Variants in ARID1B observed in about 807,000 individuals in gnomAD.
The protein encoded by ARID1B is AT-rich interactive domain-containing protein 1B.
In ARID1B, 30 loss-of-function variants were observed where a neutral mutation model predicts 212.3. The observed-to-expected ratio is 0.14, with a 90% CI of 0.11 to 0.19. The LOEUF is 0.19. ARID1B is among the 10% of genes least tolerant of loss of function. The probability of loss-of-function intolerance (pLI) is 1.00; values close to 1 mark genes in which losing one functional copy is unlikely to be tolerated. For synonymous variants in ARID1B, 1,402 were observed against 1,301.7 expected, an observed-to-expected ratio of 1.08 and a Z score of -1.66; for missense variants, 2,891 against 3,204.0, an observed-to-expected ratio of 0.90 and a Z score of 2.36.
intron 6 of ARID1B, among the ~76,000 whole-genome samples, chr6:157,122,562 A>G (rs1350939671): frequency 6.6e-6 from 1 of 152,254 alleles, no homozygotes; most frequent in Non-Finnish European, 1.5e-5. Context: ...TGTGGTGGAA[A>G]CGCGCTTGCC....
intron 4 of ARID1B, among the ~76,000 whole-genome samples, chr6:157,068,369 G>C (rs1783810618): frequency 6.6e-6 from 1 of 152,186 alleles, no homozygotes; most frequent in Non-Finnish European, 1.5e-5. Flanking sequence ...GTCTTCAGCT[G>C]AATCTGATGA....
intron 2 of ARID1B, among the ~76,000 whole-genome samples, chr6:156,896,021 GT>G (rs1788356354): frequency 6.6e-6 from 1 of 152,124 alleles, no homozygotes; most frequent in Non-Finnish European, 1.5e-5. Flanking sequence ...GTAGTTTTTA[GT>G]TTTGTACCAT....
intron 13 of ARID1B, among the ~76,000 whole-genome samples, chr6:157,187,608 A>G (rs1793060463): frequency 6.6e-6 from 1 of 152,178 alleles, no homozygotes; most frequent in African/African-American, 2.4e-5. Context: ...GTGTGAATGT[A>G]CTTAACCTTC....
intron 4 of ARID1B, among the ~76,000 whole-genome samples, chr6:157,000,668 C>G (rs1778854012): frequency 6.8e-6 from 1 of 147,994 alleles, no homozygotes; most frequent in East Asian, 2.0e-4. Context: ...GGATTTACAC[C>G]CTTTCTAAAC....
At chr6:157,034,264 T>G (rs1013616608) in intron 4 of ARID1B, among the ~76,000 whole-genome samples, 5 of 152,222 alleles carry the variant, frequency 3.3e-5, no homozygotes, top group Admixed American at 6.5e-5. Context: ...AACATTGCAT[T>G]TAATAAATAT....
chr6:156,918,117 A>G (rs920647230), intron 3 of ARID1B, among the ~76,000 whole-genome samples: 5 of 152,226 alleles, frequency 3.3e-5, no homozygotes, highest in African/African-American at 1.2e-4. Context: ...TACTTTTTTT[A>G]AAGCTAAAAA....
chr6:156,956,873 A>C (rs116356516), intron 4 of ARID1B, among the ~76,000 whole-genome samples: 1,978 of 152,260 alleles, frequency 0.013, 50 homozygotes, highest in African/African-American at 0.045. Flanking sequence ...CGTTTTAGTT[A>C]AATTTAAACA....
chr6:157,098,452 T>C (rs74749003), intron 5 of ARID1B, among the ~76,000 whole-genome samples: 8,319 of 152,236 alleles, frequency 0.055, 337 homozygotes, highest in Non-Finnish European at 0.085. Context: ...ACCTTGGAAT[T>C]GTATGCCTGA....
intron 4 of ARID1B, among the ~76,000 whole-genome samples, chr6:157,015,287 C>T (rs1273714260): frequency 6.6e-6 from 1 of 152,168 alleles, no homozygotes; most frequent in Admixed American, 6.5e-5. Context: ...AATAGTTTGT[C>T]AATAACTGAC....
At position 156,955,732 on chromosome 6, in the gene ARID1B, A is replaced by T. The variant is rs1793916310; in HGVS notation, c.2247+20156A>T. Reference sequence around the variant, plus strand: ...AGGAGAACCTATGCCCATCTCCAGAAGGGCCCTAGAAACAGAGCCTGGATG... The same window carrying T: ...AGGAGAACCTATGCCCATCTCCAGATGGGCCCTAGAAACAGAGCCTGGATG... On this transcript the variant is annotated intron_variant, in intron 4 of 19. Coordinates refer to ENST00000636930, the MANE Select transcript of ARID1B (RefSeq NM_001374828.1). This position sits in a 1 kb window ranked among gnomAD's most constrained non-coding sequence, Gnocchi z 4.2. Among the ~76,000 whole-genome samples, 1 of 152,172 alleles carries T rather than the reference A, an allele frequency of 6.6e-6. No homozygotes were observed. Among genetic ancestry groups the T allele is most frequent in the Admixed American group, 6.5e-5 (1 of 15,286 alleles).
chr6:157,170,988 A>G (rs1190139631), intron 9 of ARID1B, among the ~76,000 whole-genome samples: 4 of 152,352 alleles, frequency 2.6e-5, no homozygotes, highest in Admixed American at 2.6e-4. Context: ...ATTACCATGA[A>G]ATGAAAAGAA....
chr6:157,041,167 A>G (rs1313191456), intron 4 of ARID1B, among the ~76,000 whole-genome samples: 3 of 152,220 alleles, frequency 2.0e-5, no homozygotes, highest in Non-Finnish European at 2.9e-5. Context: ...ATAGAAAAAT[A>G]AATCAGAAGT....
chr6:157,035,998 A>G (rs764331592), intron 4 of ARID1B, among the ~76,000 whole-genome samples: 7 of 152,128 alleles, frequency 4.6e-5, no homozygotes, highest in African/African-American at 7.2e-5. Flanking sequence ...CCTAGTTTTA[A>G]AAGGTTTAAA....
chr6:157,117,529 G>A (rs562839931), intron 6 of ARID1B, among the ~76,000 whole-genome samples: 2 of 152,268 alleles, frequency 1.3e-5, no homozygotes, highest in East Asian at 3.9e-4. Context: ...AATGAATTCA[G>A]TGTCTTCCTA....
intron 1 of ARID1B, among the ~76,000 whole-genome samples, chr6:156,808,294 G>C (rs1446356447): frequency 1.3e-5 from 2 of 152,120 alleles, no homozygotes; most frequent in African/African-American, 4.8e-5. Context: ...AACATGTAGT[G>C]GTATAATGTA....
Position 157,207,860 on chromosome 6 carries a change from G to A in ARID1B, c.7088G>A (p.Cys2363Tyr), listed in dbSNP as rs1794586519. Residue 2363 changes from cysteine to tyrosine, a missense_variant, in exon 20 of 20, where the codon TGT becomes TAT. Cys to Tyr is a radical substitution (Grantham distance 194). Coordinates refer to ENST00000636930, the MANE Select transcript of ARID1B (RefSeq NM_001374828.1). The surrounding 1 kb of genome is among the most constrained non-coding windows in gnomAD (Gnocchi z 8.5). ...VLNSLVASVI[C>Y]DVLFQIGQL ...AACTCTCTGGTTGCATCTGTCATCT[G>A]TGATGTACTGTTTCAGATTGGGCAG... 6.6e-7 allele frequency: 1 copy of A among 1,508,214 alleles called. No homozygotes were observed. Among genetic ancestry groups the A allele is most frequent in the Admixed American group, 2.2e-5 (1 of 44,620 alleles). The allele number at this position is 1,508,214 out of a possible 1,614,324, so 93.4% of individuals were successfully genotyped here.
intron 4 of ARID1B, among the ~76,000 whole-genome samples, chr6:156,975,678 T>A (rs1031436987): frequency 1.3e-5 from 2 of 151,600 alleles, no homozygotes; most frequent in Non-Finnish European, 2.9e-5. Context: ...TTCATTGTTT[T>A]GGCAAGAAGT....
At chr6:156,971,105 T>C (rs1458800905) in intron 4 of ARID1B, among the ~76,000 whole-genome samples, 1 of 152,176 alleles carries the variant, frequency 6.6e-6, no homozygotes, top group Non-Finnish European at 1.5e-5. Context: ...TTAAGAGTAA[T>C]TACCAGGGAA....
intron 4 of ARID1B, among the ~76,000 whole-genome samples, chr6:157,058,237 A>G (rs1243246487): frequency 6.6e-6 from 1 of 151,074 alleles, no homozygotes; most frequent in East Asian, 1.9e-4. Flanking sequence ...TATTATCAGC[A>G]ACTGTTTCTC....
Sources: allele counts gnomAD v4.1 joint callset (sites outside exome capture counted in the v4.1 genomes callset), GRCh38; gene constraint gnomAD v4.1.1; non-coding constraint Gnocchi (gnomAD v3.1); transcripts MANE v1.5; gene names NCBI Gene and HGNC (gene_info 2026-07-23, HGNC 2026-07-21).